CPQ: variants seen among roughly 807,000 people sequenced by gnomAD.
CPQ encodes the protein Ser-Met dipeptidase.
A neutral mutation model predicts 45.7 loss-of-function variants in CPQ; 37 were observed. The observed-to-expected ratio is 0.81, with a 90% CI of 0.62 to 1.07. CPQ has a LOEUF of 1.07. CPQ is among the 50% of genes least tolerant of loss of function. The pLI, the probability that CPQ is intolerant of heterozygous loss-of-function variation, is 0.00. For missense variants in CPQ, 537 were observed against 572.9 expected (o/e 0.94, Z 0.64); for synonymous variants, 186 against 205.8 (o/e 0.90, Z 0.82).
intron 4 of CPQ, among the ~76,000 whole-genome samples, chr8:96,924,786 A>T (rs1347735438): frequency 6.6e-6 from 1 of 152,228 alleles, no homozygotes; most frequent in Non-Finnish European, 1.5e-5. Context: ...CCATTGAATT[A>T]ATTGAAATAT....
chr8:96,937,627 A>G (rs1176096937), intron 4 of CPQ, among the ~76,000 whole-genome samples: 1 of 152,166 alleles, frequency 6.6e-6, no homozygotes, highest in African/African-American at 2.4e-5. Context: ...CTCAGCCTGC[A>G]CAGGGCTTGG....
intron 7 of CPQ, among the ~76,000 whole-genome samples, chr8:97,100,059 C>T (rs1811276888): frequency 6.6e-6 from 1 of 152,112 alleles, no homozygotes; most frequent in African/African-American, 2.4e-5. Flanking sequence ...ACAGAGAAAG[C>T]AGAAGCATAG....
chr8:97,068,848 G>C (rs1187860017), intron 7 of CPQ, among the ~76,000 whole-genome samples: 1 of 152,184 alleles, frequency 6.6e-6, no homozygotes. Context: ...CTTAGGGCAG[G>C]AGTCACCCTG....
intron 1 of CPQ, among the ~76,000 whole-genome samples, chr8:96,729,531 C>A (rs892824881): frequency 1.3e-5 from 2 of 152,152 alleles, no homozygotes; most frequent in African/African-American, 4.8e-5. Context: ...TGAAAAATTT[C>A]AAATGAAGTA....
At chr8:96,940,857 C>T (rs987507652) in intron 4 of CPQ, among the ~76,000 whole-genome samples, 2 of 152,068 alleles carry the variant, frequency 1.3e-5, no homozygotes, top group Non-Finnish European at 2.9e-5. Flanking sequence ...TTTATCGATG[C>T]CTTCAGGAGA....
intron 4 of CPQ, among the ~76,000 whole-genome samples, chr8:96,964,490 G>T (rs944457372): frequency 2.0e-5 from 3 of 151,858 alleles, no homozygotes; most frequent in Admixed American, 1.3e-4. Flanking sequence ...TTAGTAATTT[G>T]CATATCTTTC....
chr8:96,705,960 T>A (rs1386730777), intron 1 of CPQ, among the ~76,000 whole-genome samples: 1 of 152,158 alleles, frequency 6.6e-6, no homozygotes, highest in Non-Finnish European at 1.5e-5. Context: ...GACCAGTGTG[T>A]GAAGATCAGT....
chr8:96,998,747 T>C (rs1043987270), intron 5 of CPQ, among the ~76,000 whole-genome samples: 1 of 151,992 alleles, frequency 6.6e-6, no homozygotes, highest in African/African-American at 2.4e-5. Context: ...TCCTGCATTC[T>C]GTTGTGATAA....
chr8:96,778,505 T>A (rs563519637), intron 1 of CPQ, among the ~76,000 whole-genome samples: 12 of 152,290 alleles, frequency 7.9e-5, no homozygotes, highest in Non-Finnish European at 1.5e-4. Context: ...TGATTTCTCA[T>A]ATAGCTCATT....
chr8:97,068,272 G>T (rs1262331967), intron 7 of CPQ, among the ~76,000 whole-genome samples: 1 of 152,148 alleles, frequency 6.6e-6, no homozygotes, highest in Non-Finnish European at 1.5e-5. Flanking sequence ...GGTTTAAGAT[G>T]AGGTCAGATT....
intron 1 of CPQ, among the ~76,000 whole-genome samples, chr8:96,730,088 T>C (rs893218228): frequency 2.4e-4 from 37 of 152,336 alleles, no homozygotes; most frequent in African/African-American, 8.2e-4. Context: ...GAATGTTCCA[T>C]ATTTTTGTGT....
intron 3 of CPQ, among the ~76,000 whole-genome samples, chr8:96,841,687 A>C (rs1196946138): frequency 6.6e-6 from 1 of 152,320 alleles, no homozygotes; most frequent in East Asian, 1.9e-4. Flanking sequence ...GTTTTATATC[A>C]CTTGGCCTTT....
chr8:96,935,345 G>A (rs1813031271), intron 4 of CPQ, among the ~76,000 whole-genome samples: 1 of 152,082 alleles, frequency 6.6e-6, no homozygotes, highest in African/African-American at 2.4e-5. Context: ...TCATTAATTT[G>A]GCTTGAGACA....
At chr8:96,681,801 G>A (rs1373634817) in intron 1 of CPQ, among the ~76,000 whole-genome samples, 3 of 152,324 alleles carry the variant, frequency 2.0e-5, no homozygotes, top group South Asian at 4.1e-4. Flanking sequence ...AGCTGCCCAA[G>A]GCCATGGGAG....
At chr8:96,990,643 C>A (rs1809077619) in intron 5 of CPQ, among the ~76,000 whole-genome samples, 1 of 152,208 alleles carries the variant, frequency 6.6e-6, no homozygotes, top group African/African-American at 2.4e-5. Flanking sequence ...GGAGACAGTA[C>A]AAACAAGAGA....
chr8:97,136,799 A>T (rs1438857170), intron 7 of CPQ, among the ~76,000 whole-genome samples: 4 of 152,184 alleles, frequency 2.6e-5, no homozygotes, highest in African/African-American at 4.8e-5. Context: ...TTTCCATTTC[A>T]TAAATGCATT....
intron 4 of CPQ, among the ~76,000 whole-genome samples, chr8:96,963,932 T>A (rs974509774): frequency 6.6e-6 from 1 of 152,280 alleles, no homozygotes; most frequent in East Asian, 1.9e-4. Context: ...TGTATCTGGC[T>A]TCTTTCATTC....
chr8:97,098,787 G>A (rs1030745867), intron 7 of CPQ, among the ~76,000 whole-genome samples: 12 of 151,950 alleles, frequency 7.9e-5, no homozygotes, highest in African/African-American at 2.4e-4. Context: ...CTTCACAGGG[G>A]AATTTATTCA....
At chr8:97,073,902 GA>G in intron 7 of CPQ, among the ~76,000 whole-genome samples, 1 of 152,286 alleles carries the variant, frequency 6.6e-6, no homozygotes, top group East Asian at 1.9e-4. Context: ...AGCAGTGTAT[GA>G]CATCCTCATC....
Sources: allele counts gnomAD v4.1 joint callset (sites outside exome capture counted in the v4.1 genomes callset), GRCh38; gene constraint gnomAD v4.1.1; transcripts MANE v1.5; gene names NCBI Gene and HGNC (gene_info 2026-07-23, HGNC 2026-07-21).